Variants in BBS9 observed in about 807,000 individuals in gnomAD.
The protein encoded by BBS9 is Bardet-Biedl syndrome 9.
BBS9 carries 89 observed loss-of-function variants against 117.7 expected under a neutral mutation model. The observed-to-expected ratio is 0.76, with a 90% CI of 0.64 to 0.90. The LOEUF (loss-of-function observed/expected upper bound fraction) is 0.90. Among genes scored for constraint, BBS9 ranks in the 40% least tolerant of loss-of-function variants. BBS9 has a pLI of 0.00. For missense variants in BBS9, 982 were observed against 1,042.2 expected (o/e 0.94, Z 0.80); for synonymous variants, 379 against 370.9 (o/e 1.02, Z -0.25).
chr7:33,273,991 G>A, intron 9 of BBS9, 35 bp downstream of exon 9: 1 of 1,608,682 alleles, frequency 6.2e-7, no homozygotes, highest in Non-Finnish European at 8.5e-7. Context: ...TTTTAAAGAG[G>A]ATGTTAGTCA....
chr7:33,441,120 C>T (rs551159836), intron 19 of BBS9, among the ~76,000 whole-genome samples: 338 of 151,976 alleles, frequency 2.2e-3, no homozygotes, highest in African/African-American at 7.8e-3. Flanking sequence ...AAGCAATAAT[C>T]GAGTGGATAT....
At chr7:33,320,918 AG>A (rs1013668428) in intron 9 of BBS9, among the ~76,000 whole-genome samples, 100 of 152,104 alleles carry the variant, frequency 6.6e-4, no homozygotes, top group African/African-American at 2.3e-3. Flanking sequence ...ACATGGGGAG[AG>A]GGGTCTAGTT....
intron 21 of BBS9, among the ~76,000 whole-genome samples, chr7:33,617,200 A>T (rs1865183955): frequency 6.6e-6 from 1 of 152,144 alleles, no homozygotes; most frequent in Non-Finnish European, 1.5e-5. Context: ...TGTCTTAATG[A>T]ATCAAAAAAC....
intron 21 of BBS9, among the ~76,000 whole-genome samples, chr7:33,583,033 A>G (rs551112907): frequency 1.3e-5 from 2 of 152,236 alleles, no homozygotes; most frequent in South Asian, 2.1e-4. Flanking sequence ...TTTTGCTGGT[A>G]TCTACAATTT....
rs575524065 is a variant in BBS9 at position 33,324,616 on chromosome 7, T to TTC, written c.1017-11825_1017-11824insTC. Among the ~76,000 whole-genome samples, 279 of 147,326 alleles carry TTC rather than the reference T, an allele frequency of 1.9e-3. 4 individuals carry two copies. In the South Asian group the frequency reaches 0.036, roughly 19 times the overall value. ...TTAACATCCATTTTTTTTTTTTTTT[T>TTC]CCAGATTGAAGAACTCCCTTTAGCA... On this transcript the variant is annotated intron_variant, in intron 9 of 22. Transcript: ENST00000242067.
intron 5 of BBS9, among the ~76,000 whole-genome samples, chr7:33,196,672 G>A (rs1055295129): frequency 6.6e-6 from 1 of 152,172 alleles, no homozygotes; most frequent in Non-Finnish European, 1.5e-5. Context: ...AGGCATTAAA[G>A]TGTAGGTGTT....
chr7:33,526,576 C>T (rs563659564), intron 20 of BBS9, among the ~76,000 whole-genome samples: 46 of 150,494 alleles, frequency 3.1e-4, no homozygotes, highest in South Asian at 1.5e-3. Flanking sequence ...ACGTAGTTCT[C>T]GAGCCTTGGT....
At chr7:33,294,396 T>TCCATCCAC (rs1242593484) in intron 9 of BBS9, among the ~76,000 whole-genome samples, 145 of 151,698 alleles carry the variant, frequency 9.6e-4, no homozygotes, top group African/African-American at 3.2e-3. Context: ...CATCCATCCA[T>TCCATCCAC]CCATCCACCC....
chr7:33,160,007 T>G (rs1794617324), intron 4 of BBS9, among the ~76,000 whole-genome samples: 1 of 152,176 alleles, frequency 6.6e-6, no homozygotes, highest in Non-Finnish European at 1.5e-5. Flanking sequence ...TCTATAATGC[T>G]CAATGTGATG....
intron 19 of BBS9, among the ~76,000 whole-genome samples, chr7:33,470,855 G>T (rs1184826143): frequency 6.6e-6 from 1 of 152,150 alleles, no homozygotes; most frequent in Non-Finnish European, 1.5e-5. Flanking sequence ...TCAGGGGGGT[G>T]TCCTGGGGTT....
intron 19 of BBS9, among the ~76,000 whole-genome samples, chr7:33,432,330 C>T (rs1346835161): frequency 6.6e-6 from 1 of 151,030 alleles, no homozygotes; most frequent in African/African-American, 2.4e-5. Context: ...AGGATAGTCT[C>T]GATCTCCTGA....
At chr7:33,412,168 T>A (rs1831259590) in intron 19 of BBS9, among the ~76,000 whole-genome samples, 1 of 152,168 alleles carries the variant, frequency 6.6e-6, no homozygotes, top group Non-Finnish European at 1.5e-5. Flanking sequence ...AGAAAAAAAT[T>A]CATAGCCATG....
intron 19 of BBS9, among the ~76,000 whole-genome samples, chr7:33,393,125 C>T (rs1332465151): frequency 6.6e-6 from 1 of 152,008 alleles, no homozygotes; most frequent in African/African-American, 2.4e-5. Flanking sequence ...ATGATTGTGC[C>T]TTTGTATTCT....
intron 5 of BBS9, among the ~76,000 whole-genome samples, chr7:33,235,974 A>C (rs1793405258): frequency 6.6e-6 from 1 of 152,190 alleles, no homozygotes; most frequent in Non-Finnish European, 1.5e-5. Context: ...AAATGAAAGT[A>C]ATGAAACTAC....
chr7:33,609,335 G>A (rs144571114), downstream of BBS9, among the ~76,000 whole-genome samples: 2 of 152,156 alleles, frequency 1.3e-5, no homozygotes, highest in African/African-American at 4.8e-5. Flanking sequence ...TTTCGAATAT[G>A]TTCATGCGAT....
At chr7:33,292,571 T>G (rs977324010) in intron 9 of BBS9, among the ~76,000 whole-genome samples, 21 of 152,322 alleles carry the variant, frequency 1.4e-4, no homozygotes, top group African/African-American at 4.1e-4. Flanking sequence ...AACTTTTTAC[T>G]GTTTTTATTA....
intron 9 of BBS9, among the ~76,000 whole-genome samples, chr7:33,300,400 T>C (rs1806142754): frequency 6.6e-6 from 1 of 152,208 alleles, no homozygotes. Context: ...ACAGATGCTG[T>C]ACTGAGAAAA....
chr7:33,590,223 G>T (rs866400733), intron 21 of BBS9, among the ~76,000 whole-genome samples: 1 of 151,898 alleles, frequency 6.6e-6, no homozygotes, highest in Admixed American at 6.6e-5. Flanking sequence ...TGAGAGAAAG[G>T]AAAAAAGAAG....
At chr7:33,336,249 T>C (rs1434100582) in intron 9 of BBS9, among the ~76,000 whole-genome samples, 192 bp from the exon 10 acceptor site, 3 of 152,196 alleles carry the variant, frequency 2.0e-5, no homozygotes, top group African/African-American at 7.2e-5. Context: ...GACCTTAACA[T>C]TGGGAATACT....
Sources: allele counts gnomAD v4.1 joint callset (sites outside exome capture counted in the v4.1 genomes callset), GRCh38; gene constraint gnomAD v4.1.1; transcripts MANE v1.5; gene names NCBI Gene and HGNC (gene_info 2026-07-23, HGNC 2026-07-21).